Variants in RBPMS observed in about 807,000 individuals in gnomAD.
RBPMS encodes the protein RNA binding protein, mRNA processing factor.
Under a neutral mutation model 26.8 loss-of-function variants are expected in RBPMS, and 7 were observed. The observed-to-expected ratio is 0.26, with a 90% confidence interval of 0.15 to 0.49. The LOEUF is 0.49. Ranked by LOEUF, RBPMS falls within the 20% of genes least tolerant of loss-of-function variation. RBPMS has a pLI of 0.98. For missense variants in RBPMS, 186 were observed against 250.0 expected (o/e 0.74, Z 1.73); for synonymous variants, 96 against 93.3 (o/e 1.03, Z -0.17).
Position 30,571,039 on chromosome 8 carries a change from T to C in RBPMS, c.*514T>C. 6.6e-6 allele frequency: 1 copy of C among 152,154 alleles called. No homozygotes were observed. The highest frequency in any genetic ancestry group is 1.5e-5 in the Non-Finnish European group (1 of 68,016). 9.4% of individuals were successfully genotyped at this position (152,154 alleles called of 1,614,324 possible). On this transcript the variant is annotated 3_prime_UTR_variant, in exon 9 of 9. Transcript: ENST00000397323. ...GGCATGTTTCCAAATATTATCAAAA[T>C]ATCCTGAATTGTATTGTGAATATAT...
At chr8:30,451,497 T>C (rs1040917372) in intron 1 of RBPMS, among the ~76,000 whole-genome samples, 1 of 152,170 alleles carries the variant, frequency 6.6e-6, no homozygotes, top group Non-Finnish European at 1.5e-5. Context: ...GGAACTGAGT[T>C]GAGATTCTGA....
At chr8:30,515,939 G>A (rs1014396970) in intron 5 of RBPMS, among the ~76,000 whole-genome samples, 4 of 152,292 alleles carry the variant, frequency 2.6e-5, no homozygotes, top group East Asian at 1.9e-4. Context: ...CTTAGGCACC[G>A]TACCTGGCCC....
At chr8:30,469,590 T>C (rs1313296845) in intron 1 of RBPMS, among the ~76,000 whole-genome samples, 1 of 152,254 alleles carries the variant, frequency 6.6e-6, no homozygotes, top group African/African-American at 2.4e-5. Flanking sequence ...TTTCATCTCT[T>C]GAACTTCTAT....
chr8:30,501,147 TCCC>T (rs914662547), intron 4 of RBPMS, among the ~76,000 whole-genome samples: 3 of 151,682 alleles, frequency 2.0e-5, no homozygotes, highest in South Asian at 2.1e-4. Flanking sequence ...GATCATATTA[TCCC>T]CCCCATTTTT....
intron 4 of RBPMS, among the ~76,000 whole-genome samples, chr8:30,492,490 G>A (rs1467676983): frequency 6.6e-6 from 1 of 151,968 alleles, no homozygotes; most frequent in Non-Finnish European, 1.5e-5. Context: ...ATCTTTAAAG[G>A]ATCTAGATCG....
intron 7 of RBPMS, chr8:30,561,867 C>A: frequency 1.0e-6 from 1 of 985,112 alleles, no homozygotes; most frequent in Non-Finnish European, 1.2e-6. Context: ...GAAGCAGTTG[C>A]GTGGGTTCCA....
chr8:30,558,057 T>G (rs1410054765), intron 6 of RBPMS: 2 of 152,030 alleles, frequency 1.3e-5, no homozygotes, highest in South Asian at 2.1e-4. Context: ...AGAGATGAGG[T>G]CTCTCCATGT....
intron 4 of RBPMS, among the ~76,000 whole-genome samples, chr8:30,480,453 G>GT (rs1818159496): frequency 6.6e-6 from 1 of 152,124 alleles, no homozygotes; most frequent in African/African-American, 2.4e-5. Context: ...ACCTTAAAAG[G>GT]TTTTTAGACT....
At chr8:30,554,240 GTC>G (rs1585866041) in intron 6 of RBPMS, among the ~76,000 whole-genome samples, 1 of 152,190 alleles carries the variant, frequency 6.6e-6, no homozygotes, top group African/African-American at 2.4e-5. Context: ...CGGTTTGGTG[GTC>G]TGTCTTCCAG....
chr8:30,490,491 G>A (rs556775631), intron 4 of RBPMS, among the ~76,000 whole-genome samples: 86 of 151,580 alleles, frequency 5.7e-4, no homozygotes, highest in Non-Finnish European at 8.5e-4. Flanking sequence ...ACGGAGTCTC[G>A]CTCTGTCACC....
rs142757511 is a variant in RBPMS at position 30,389,455 on chromosome 8, T to G, written c.66+4297T>G. On this transcript the variant is annotated intron_variant, in intron 1 of 8. Transcript: ENST00000397323. ...TTAATTTTTGCTTTAAGGATAAAAGTGTTCAGTGCTGGTGACAAGGCAATA... is the reference window on the plus strand; with the variant it reads ...TTAATTTTTGCTTTAAGGATAAAAGGGTTCAGTGCTGGTGACAAGGCAATA... Among the ~76,000 whole-genome samples the G allele has an allele frequency of 2.0e-3, 310 of 152,314 alleles. 1 individual carries two copies. The highest frequency in any genetic ancestry group is 6.8e-3 in the Middle Eastern group (2 of 294).
At chr8:30,496,704 C>T (rs1305786208) in intron 4 of RBPMS, among the ~76,000 whole-genome samples, 1 of 152,202 alleles carries the variant, frequency 6.6e-6, no homozygotes, top group African/African-American at 2.4e-5. Context: ...TTGAGTGTCA[C>T]AAGTTTTCAC....
rs1290007320 is a variant in RBPMS at position 30,546,734 on chromosome 8, G to A, written c.528+2110G>A. Among the ~76,000 whole-genome samples the A allele has an allele frequency of 3.3e-5, 5 of 152,340 alleles. No homozygotes were observed. The East Asian group carries it at 9.6e-4, about 29-fold the overall frequency. On this transcript the variant is annotated intron_variant, in intron 6 of 8. Transcript: ENST00000397323. ...TGGAGTCATTCCCAGTGCAGTCATG[G>A]ACTCTATGAACAAATACGGTTATTT...
At chr8:30,561,492 C>A (rs1369222616) in intron 7 of RBPMS, among the ~76,000 whole-genome samples, 1 of 152,088 alleles carries the variant, frequency 6.6e-6, no homozygotes, top group Non-Finnish European at 1.5e-5. Context: ...GATGAGGTAA[C>A]TGGAAATTCT....
intron 8 of RBPMS, among the ~76,000 whole-genome samples, chr8:30,570,191 A>C (rs1828174743): frequency 6.6e-6 from 1 of 152,194 alleles, no homozygotes; most frequent in Non-Finnish European, 1.5e-5. Flanking sequence ...CTAACTTGGG[A>C]CATTTAAATA....
intron 1 of RBPMS, among the ~76,000 whole-genome samples, chr8:30,412,402 TC>T (rs1809548435): frequency 6.6e-6 from 1 of 152,046 alleles, no homozygotes; most frequent in Non-Finnish European, 1.5e-5. Context: ...CCATGACTGT[TC>T]CCGGAATGGG....
intron 1 of RBPMS, among the ~76,000 whole-genome samples, chr8:30,458,437 C>T (rs1222028394): frequency 6.6e-6 from 1 of 152,114 alleles, no homozygotes; most frequent in Non-Finnish European, 1.5e-5. Flanking sequence ...CTAAAGCACT[C>T]ATTTAATTAA....
chr8:30,568,398 C>G (rs937293890), intron 8 of RBPMS, among the ~76,000 whole-genome samples: 5 of 152,166 alleles, frequency 3.3e-5, no homozygotes, highest in Non-Finnish European at 5.9e-5. Context: ...ACGAAGAGAC[C>G]GCAGAGTGAG....
At chr8:30,481,845 T>C (rs1199819264) in intron 4 of RBPMS, among the ~76,000 whole-genome samples, 1 of 152,232 alleles carries the variant, frequency 6.6e-6, no homozygotes, top group South Asian at 2.1e-4. Flanking sequence ...ATTAGAAATC[T>C]TTCCGATGTT....
Sources: allele counts gnomAD v4.1 joint callset (sites outside exome capture counted in the v4.1 genomes callset), GRCh38; gene constraint gnomAD v4.1.1; transcripts MANE v1.5; gene names NCBI Gene and HGNC (gene_info 2026-07-23, HGNC 2026-07-21).